Variants in UNC13C observed in about 807,000 individuals in gnomAD.
The protein encoded by UNC13C is protein unc-13 homolog C.
UNC13C carries 174 observed loss-of-function variants against 245.4 expected under a neutral mutation model. That is an observed-to-expected ratio of 0.71 (90% CI 0.63 to 0.80). The LOEUF (loss-of-function observed/expected upper bound fraction) is 0.80, where lower values mean the gene tolerates loss of function less well. Among genes scored for constraint, UNC13C ranks in the 30% least tolerant of loss-of-function variants. The pLI is 0.00. For synonymous variants in UNC13C, 992 were observed against 895.1 expected, an observed-to-expected ratio of 1.11 and a Z score of -1.93; for missense variants, 2,829 against 2,602.9, an observed-to-expected ratio of 1.09 and a Z score of -1.89.
At chr15:53,937,654 A>C in the UNC13C span, among the ~76,000 whole-genome samples, 1 of 152,224 alleles carries the variant, frequency 6.6e-6, no homozygotes, top group Non-Finnish European at 1.5e-5. Flanking sequence ...GTCACCTACA[A>C]AGGGAAATCC....
At chr15:54,560,941 G>A (rs1460047425) in intron 29 of UNC13C, among the ~76,000 whole-genome samples, 1 of 151,962 alleles carries the variant, frequency 6.6e-6, no homozygotes, top group African/African-American at 2.4e-5. Context: ...CCTGATGATT[G>A]GTTCATTTTG....
the UNC13C span, among the ~76,000 whole-genome samples, chr15:53,859,316 C>T: frequency 6.6e-6 from 1 of 152,032 alleles, no homozygotes; most frequent in Non-Finnish European, 1.5e-5. Flanking sequence ...AATATATCAT[C>T]CTGACTACCT....
At chr15:54,462,205 T>A (rs925475628) in intron 19 of UNC13C, among the ~76,000 whole-genome samples, 1 of 152,178 alleles carries the variant, frequency 6.6e-6, no homozygotes, top group South Asian at 2.1e-4. Flanking sequence ...AAACTCATAA[T>A]AAAAAGAAAA....
chr15:53,923,664 G>T, the UNC13C span, among the ~76,000 whole-genome samples: 1 of 152,222 alleles, frequency 6.6e-6, no homozygotes, highest in Non-Finnish European at 1.5e-5. Context: ...GTAGGATTCA[G>T]TTGGAAAGAG....
At chr15:54,218,058 A>T (rs548618263) in intron 4 of UNC13C, among the ~76,000 whole-genome samples, 66 of 152,102 alleles carry the variant, frequency 4.3e-4, no homozygotes, top group African/African-American at 9.9e-4. Context: ...ATTGATTTTT[A>T]AAAAATTTGT....
chr15:54,194,362 A>G (rs1160613615), intron 4 of UNC13C, among the ~76,000 whole-genome samples: 1 of 152,144 alleles, frequency 6.6e-6, no homozygotes, highest in Non-Finnish European at 1.5e-5. Context: ...TGTGTGTGGT[A>G]ACAATAACAT....
intron 29 of UNC13C, among the ~76,000 whole-genome samples, chr15:54,560,214 C>T (rs137990845): frequency 2.6e-5 from 4 of 151,746 alleles, no homozygotes; most frequent in East Asian, 3.9e-4. Context: ...AAAATTGCTA[C>T]CAAAATAGTA....
chr15:53,903,554 C>T, the UNC13C span, among the ~76,000 whole-genome samples: 29 of 152,224 alleles, frequency 1.9e-4, 1 homozygote, highest in South Asian at 5.8e-3. Context: ...TCATTTTGTC[C>T]TTTTTCACTA....
intron 13 of UNC13C, among the ~76,000 whole-genome samples, chr15:54,304,284 C>T (rs17237459): frequency 0.14 from 20,658 of 152,066 alleles, 1,556 homozygotes; most frequent in Admixed American, 0.2. Context: ...GGAGTGAAAA[C>T]AAGGCAGATA....
intron 17 of UNC13C, among the ~76,000 whole-genome samples, chr15:54,341,172 A>T (rs1432523832): frequency 6.6e-6 from 1 of 152,188 alleles, no homozygotes; most frequent in East Asian, 1.9e-4. Context: ...TCATCACAGC[A>T]CTATTCACAA....
Position 54,283,708 on chromosome 15 carries a change from A to G in UNC13C, c.3819-10187A>G, listed in dbSNP as rs1384635613. ...ATGTGATATATATGTGTGTATATATATATGTGTGTGTGTGTGTGTGTGTGT... is the reference window on the plus strand; with the variant it reads ...ATGTGATATATATGTGTGTATATATGTATGTGTGTGTGTGTGTGTGTGTGT... On this transcript the variant is annotated intron_variant, in intron 10 of 32. Transcript: ENST00000260323. 1.0e-4 allele frequency among the ~76,000 whole-genome samples: 7 copies of G among 68,786 alleles called. No individual in the cohort carries two copies. The East Asian group carries it at 1.2e-3, about 12-fold the overall frequency. The allele number at this position is 68,786 out of a possible 152,430, so 45.1% of individuals were successfully genotyped here.
chr15:53,873,772 C>T, the UNC13C span, among the ~76,000 whole-genome samples: 1 of 776 alleles, frequency 1.3e-3, no homozygotes, highest in African/African-American at 1.6e-3. Context: ...CTTGAACCCC[C>T]ACGATCAAAT....
chr15:54,393,013 CT>C, intron 17 of UNC13C, 34 bp from the exon 18 acceptor site: 2 of 1,524,450 alleles, frequency 1.3e-6, no homozygotes, highest in African/African-American at 1.4e-5. Flanking sequence ...CCCATTTAAC[CT>C]TTTCTTTTGC....
chr15:54,453,896 G>A (rs1025658257), intron 19 of UNC13C, among the ~76,000 whole-genome samples: 7 of 152,018 alleles, frequency 4.6e-5, no homozygotes, highest in African/African-American at 4.8e-5. Flanking sequence ...GTTGTGCAAC[G>A]AGCACCCCAT....
chr15:53,999,007 G>C (rs147589636), intron 1 of UNC13C, among the ~76,000 whole-genome samples: 135 of 151,938 alleles, frequency 8.9e-4, no homozygotes, highest in African/African-American at 3.2e-3. Context: ...ATTTGCTAAT[G>C]TTTTGTTAAA....
At chr15:54,145,540 A>C (rs2141241465) in intron 4 of UNC13C, among the ~76,000 whole-genome samples, 1 of 152,330 alleles carries the variant, frequency 6.6e-6, no homozygotes, top group African/African-American at 2.4e-5. Flanking sequence ...GATCATTATG[A>C]ATTATTCAGA....
At chr15:53,977,197 C>T (rs958555681), upstream of UNC13C, among the ~76,000 whole-genome samples, 1 of 152,128 alleles carries the variant, frequency 6.6e-6, no homozygotes, top group Non-Finnish European at 1.5e-5. Flanking sequence ...GGGCTGATAG[C>T]TGGGAATGGG....
chr15:54,511,609 T>A, intron 23 of UNC13C, 144 bp from the exon 24 acceptor site: 1 of 597,516 alleles, frequency 1.7e-6, no homozygotes, highest in South Asian at 2.2e-5. Context: ...TTACAAACTA[T>A]AATGTTGAAA....
At chr15:53,857,268 G>A in the UNC13C span, among the ~76,000 whole-genome samples, 1 of 152,114 alleles carries the variant, frequency 6.6e-6, no homozygotes, top group African/African-American at 2.4e-5. Context: ...ATTTAATTCA[G>A]CTAAAGTTTC....
Sources: gnomAD v4.1 joint callset for allele counts (sites outside exome capture counted in the v4.1 genomes callset) on GRCh38, gnomAD v4.1.1 for gene constraint, MANE v1.5 for transcripts, NCBI Gene and HGNC (gene_info 2026-07-23, HGNC 2026-07-21) for gene names.